Variants in INTS11 observed in about 807,000 individuals in gnomAD.
INTS11 encodes the protein integrator complex subunit 11.
A neutral mutation model predicts 78.6 loss-of-function variants in INTS11; 77 were observed. The observed-to-expected ratio is 0.98, with a 90% CI of 0.81 to 1.18. The LOEUF (loss-of-function observed/expected upper bound fraction) is 1.18. Among genes scored for constraint, INTS11 ranks in the 50% most tolerant of loss-of-function variants. The pLI, the probability that INTS11 is intolerant of heterozygous loss-of-function variation, is 0.00. For synonymous variants in INTS11, 441 were observed against 326.9 expected, an observed-to-expected ratio of 1.35 and a Z score of -3.77; for missense variants, 875 against 825.9, an observed-to-expected ratio of 1.06 and a Z score of -0.73.
chr1:1,315,162 G>A (rs537869274), intron 6 of INTS11, 200 bp from the exon 7 acceptor site: 24 of 744,654 alleles, frequency 3.2e-5, no homozygotes, highest in Admixed American at 1.1e-4. Flanking sequence ...CAGACACTTC[G>A]GAAGAGCGAG....
In INTS11 at chr1:1,311,794, A is replaced by G; in HGVS notation, c.*65T>C. On this transcript the variant is annotated 3_prime_UTR_variant, in exon 17 of 17. Transcript: ENST00000435064. ...TCACCCAGGGCACCCACAGTCCTGA[A>G]GTGCAGGCCCAGGGTCTGTCCAGCT... 1 of 1,479,956 alleles carries G rather than the reference A, an allele frequency of 6.8e-7. No homozygotes were observed. The highest frequency in any genetic ancestry group is 9.1e-7 in the Non-Finnish European group (1 of 1,095,450). The allele number at this position is 1,479,956 out of a possible 1,614,324, so 91.7% of individuals were successfully genotyped here. A position where few individuals can be genotyped will look rare whatever the true frequency, so the allele number is the denominator to read the frequency against.
intron 3 of INTS11, 97 bp downstream of exon 3, chr1:1,320,359 C>T (rs1467237665): frequency 6.9e-6 from 8 of 1,158,924 alleles, no homozygotes; most frequent in East Asian, 2.4e-5. Context: ...TCAAGGATGG[C>T]ACAGGCCCCT....
chr1:1,320,138 G>A, intron 3 of INTS11: 1 of 340,006 alleles, frequency 2.9e-6, no homozygotes, highest in South Asian at 3.1e-5. Flanking sequence ...TGGGGTCAGG[G>A]CAGACTCGGG....
At chr1:1,318,686 TAA>T in intron 4 of INTS11, 1 of 451,740 alleles carries the variant, frequency 2.2e-6, no homozygotes. Context: ...ACAAAAAAGA[TAA>T]ACATACTTCA....
At chr1:1,318,938 C>G in intron 4 of INTS11, 1 of 717,220 alleles carries the variant, frequency 1.4e-6, no homozygotes, top group Non-Finnish European at 2.6e-6. Context: ...CCCTGCCTCC[C>G]TGCCCGGCAA....
chr1:1,313,433 C>G, intron 10 of INTS11, 76 bp downstream of exon 10: 2 of 1,535,484 alleles, frequency 1.3e-6, no homozygotes, highest in Non-Finnish European at 1.8e-6. Flanking sequence ...CCAGTGAGAG[C>G]TCAGAGACAG....
chr1:1,320,774 C>A (rs1264677488), intron 2 of INTS11: 4 of 711,026 alleles, frequency 5.6e-6, no homozygotes, highest in Non-Finnish European at 1.0e-5. Flanking sequence ...CGGAGTCCAG[C>A]CTACAGGACC....
chr1:1,320,674 GA>G lies in INTS11; in HGVS notation c.127-146del, dbSNP rs535624537. 3.0e-4 allele frequency: 254 copies of G among 842,558 alleles called. 3 individuals are homozygous for G. In the African/African-American group the frequency reaches 3.8e-3, roughly 13 times the overall value. 52.2% of individuals were successfully genotyped at this position (842,558 alleles called of 1,614,324 possible). On this transcript the variant is annotated intron_variant, in intron 2 of 16. Coordinates refer to ENST00000435064, the MANE Select transcript of INTS11 (RefSeq NM_017871.6). ...ACTCCCATCCCGCAGGTGGCACCAGGACCCCTGGCTGCTCACAGCATCCGGA... is the reference window on the plus strand; with the variant it reads ...ACTCCCATCCCGCAGGTGGCACCAGGCCCCTGGCTGCTCACAGCATCCGGA...
Position 1,312,476 on chromosome 1 carries a change from A to T in INTS11, c.1428T>A (p.Pro476=), listed in dbSNP as rs1326576418. 1 of 1,578,554 alleles carries T rather than the reference A, an allele frequency of 6.3e-7. No homozygotes were observed. The highest frequency in any genetic ancestry group is 8.6e-7 in the Non-Finnish European group (1 of 1,162,756). The part of the protein sequence containing the change: ...AQGLLPEAKK[P]RLLHGTLIMK... The stretch of plus-strand genomic sequence containing the variant: ...TGATCAGGGTGCCGTGCAGGAGCCG[A>T]GGCTTCTTGGCCTCAGGGAGCAGCC... The change falls in exon 14 of 17, where the codon CCT becomes CCA. Residue 476 remains proline, a synonymous_variant. Transcript: ENST00000435064.
In INTS11 at chr1:1,312,261, C is replaced by T. The variant is rs199818878; in HGVS notation, c.1572G>A (p.Gln524=). Residue 524 remains glutamine (Q), a synonymous_variant, in exon 15 of 17, where the codon CAG becomes CAA. Coordinates refer to ENST00000435064, the MANE Select transcript of INTS11 (RefSeq NM_017871.6). ...RVHLHDTRKE[Q]ETALRVYSHL... ...GGCTGTAGACGCGCAATGCCGTCTC[C>T]TGCTCCTTGCGTGTGTCATGCAGGT... The T allele has an allele frequency of 1.6e-4, 246 of 1,548,710 alleles. 3 individuals are homozygous for T. The African/African-American group carries it at 3.0e-3, about 19-fold the overall frequency.
At chr1:1,323,655 C>T (rs762831734) in intron 1 of INTS11, among the ~76,000 whole-genome samples, 49 of 151,488 alleles carry the variant, frequency 3.2e-4, no homozygotes, top group Non-Finnish European at 5.9e-4. Context: ...AAGCGATCCT[C>T]CCACCTCTGC....
Position 1,314,028 on chromosome 1 carries a change from G to T in INTS11, c.768-107C>A. 8.3e-7 allele frequency: 1 copy of T among 1,198,746 alleles called. No homozygotes were observed. The highest frequency in any genetic ancestry group is 1.2e-6 in the Non-Finnish European group (1 of 838,100). The allele number at this position is 1,198,746 out of a possible 1,614,324, so 74.3% of individuals were successfully genotyped here. On this transcript the variant is annotated intron_variant, in intron 8 of 16. Coordinates refer to ENST00000435064, the MANE Select transcript of INTS11 (RefSeq NM_017871.6). This position sits in a 1 kb window ranked among gnomAD's most constrained non-coding sequence, Gnocchi z 4.2. ...CCCGTGTCTGCACAGCCCACGCACG[G>T]GCCAGGTTGAGTCCAGTCGCGACCA...
In INTS11 at chr1:1,312,650, T is replaced by C. The variant is rs751884708; in HGVS notation, c.1345A>G (p.Ser449Gly). 1 of 1,594,362 alleles carries C rather than the reference T, an allele frequency of 6.3e-7. No homozygotes were observed. Among genetic ancestry groups the C allele is most frequent in the South Asian group, 1.1e-5 (1 of 89,600 alleles). Residue 449 changes from serine (S) to glycine (G), a missense_variant, in exon 13 of 17, where the codon AGC becomes GGC. Ser to Gly is a moderately conservative substitution (Grantham distance 56). Transcript: ENST00000435064. ...GAGATGCCTACGGGGATGCTGGGGC[T>C]TGTGGGCAGCGTCACCGTCTCGCCA... The part of the protein sequence containing the change: ...ANGETVTLPT[S>G]PSIPVGISLG...
At position 1,320,922 on chromosome 1, in the gene INTS11, G is replaced by A. The variant is rs537501090; in HGVS notation, c.126+74C>T. On this transcript the variant is annotated intron_variant, in intron 2 of 16. Transcript: ENST00000435064. ...CTGCTGCCCACCACCCCACTGTCCC[G>A]GCTCTGAGGCCCAGGGTCCAGCTGT... 4.3e-5 allele frequency: 57 copies of A among 1,329,226 alleles called. 1 individual carries two copies. The Middle Eastern group carries it at 7.3e-4, about 17-fold the overall frequency. 82.3% of individuals were successfully genotyped at this position (1,329,226 alleles called of 1,614,324 possible).
chr1:1,319,542 A>T lies in INTS11; in HGVS notation c.201-18T>A. On this transcript the variant is annotated intron_variant, in intron 3 of 16. Coordinates refer to ENST00000435064, the MANE Select transcript of INTS11 (RefSeq NM_017871.6). ...GGAAGTGGCTAGGGGGACGCAGCAC[A>T]GGTCAGCCTGGGCCCACCCTGCCCC... 4 of 1,539,466 alleles carry T rather than the reference A, an allele frequency of 2.6e-6. No individual in the cohort carries two copies. The highest frequency in any genetic ancestry group is 3.5e-6 in the Non-Finnish European group (4 of 1,136,682).
At position 1,324,642 on chromosome 1, in the gene INTS11, G is replaced by T; in HGVS notation, c.-34C>A. The stretch of plus-strand genomic sequence containing the variant: ...CCGCGCTCCCGGACCCGCGAGGCCC[G>T]CCTGCGGTGATGCACTGCGCAGGCG... On this transcript the variant is annotated 5_prime_UTR_variant, in exon 1 of 17. Coordinates refer to ENST00000435064, the MANE Select transcript of INTS11 (RefSeq NM_017871.6). The T allele has an allele frequency of 6.3e-7, 1 of 1,597,740 alleles. No homozygotes were observed. Among genetic ancestry groups the T allele is most frequent in the Non-Finnish European group, 8.5e-7 (1 of 1,173,906 alleles).
chr1:1,321,399 C>T (rs921718326), intron 1 of INTS11, among the ~76,000 whole-genome samples: 1 of 151,980 alleles, frequency 6.6e-6, no homozygotes. Flanking sequence ...TGGCCCTCAG[C>T]CTCCAACAGA....
In INTS11 at chr1:1,312,929, C is replaced by T. The variant is rs1642320836; in HGVS notation, c.1152G>A (p.Val384=). ...CGTGTGCGCTGAATGACATGTACTC[C>T]ACCTGCATCTTGACCTCCAGCTACA... The part of the protein sequence containing the change: ...GRQVLEVKMQ[V]EYMSFSAHAD... The change falls in exon 12 of 17, where the codon GTG becomes GTA. Residue 384 remains valine, a synonymous_variant. Transcript: ENST00000435064. 1 of 1,612,096 alleles carries T rather than the reference C, an allele frequency of 6.2e-7. No individual in the cohort carries two copies. Among genetic ancestry groups the T allele is most frequent in the Middle Eastern group, 1.7e-4 (1 of 6,058 alleles).
At chr1:1,315,123 A>G (rs1642499081) in intron 6 of INTS11, 161 bp from the exon 7 acceptor site, 1 of 928,494 alleles carries the variant, frequency 1.1e-6, no homozygotes, top group Non-Finnish European at 1.6e-6. Context: ...CACACTTGGG[A>G]AGAGAGAGGA....
Sources: gnomAD v4.1 joint callset for allele counts (sites outside exome capture counted in the v4.1 genomes callset) on GRCh38, gnomAD v4.1.1 for gene constraint, Gnocchi (gnomAD v3.1) non-coding constraint, MANE v1.5 for transcripts, NCBI Gene and HGNC (gene_info 2026-07-23, HGNC 2026-07-21) for gene names.